Variants in ITIH2 observed in about 807,000 individuals in gnomAD.
The protein encoded by ITIH2 is inter-alpha-trypsin inhibitor heavy chain H2.
ITIH2 carries 103 observed loss-of-function variants against 104.4 expected under a neutral mutation model. That is an observed-to-expected ratio of 0.99 (90% CI 0.84 to 1.16). ITIH2 has a LOEUF of 1.16. Among genes scored for constraint, ITIH2 ranks in the 50% most tolerant of loss-of-function variants. The probability of loss-of-function intolerance (pLI) is 0.00; values close to 1 mark genes in which losing one functional copy is unlikely to be tolerated. For synonymous variants in ITIH2, 436 were observed against 435.4 expected (o/e 1.00, Z -0.02); for missense variants, 1,108 against 1,162.4 (o/e 0.95, Z 0.68).
intron 20 of ITIH2, among the ~76,000 whole-genome samples, chr10:7,747,074 G>T (rs1033831059): frequency 1.5e-4 from 23 of 152,182 alleles, no homozygotes; most frequent in African/African-American, 5.3e-4. Flanking sequence ...TTTACATCAG[G>T]CTAGAGTTTT....
At chr10:7,706,135 T>C (rs1203150605) in intron 2 of ITIH2, among the ~76,000 whole-genome samples, 3 of 152,188 alleles carry the variant, frequency 2.0e-5, no homozygotes, top group Admixed American at 1.3e-4. Flanking sequence ...TGTAGACTAA[T>C]AATATTAAAA....
chr10:7,739,552 C>T (rs566598413), intron 16 of ITIH2, among the ~76,000 whole-genome samples: 1 of 152,162 alleles, frequency 6.6e-6, no homozygotes, highest in African/African-American at 2.4e-5. Context: ...TACCAAATAC[C>T]ATGTTGTAGC....
chr10:7,707,324 C>T lies in ITIH2; in HGVS notation c.192+91C>T, dbSNP rs967757115. The T allele has an allele frequency of 4.3e-6, 4 of 934,794 alleles. No individual in the cohort carries two copies. In the Admixed American group the frequency reaches 5.4e-5, roughly 13 times the overall value. 57.9% of individuals were successfully genotyped at this position (934,794 alleles called of 1,614,324 possible). On this transcript the variant is annotated intron_variant, in intron 3 of 20. Transcript: ENST00000358415. ...CTGGGTGTCTCTTTTTTCTTCATCA[C>T]CGAGTATTTACCTGACTTTCGAAAT...
At chr10:7,748,879 G>T (rs962828450) in intron 20 of ITIH2, among the ~76,000 whole-genome samples, 3 of 151,984 alleles carry the variant, frequency 2.0e-5, no homozygotes, top group Non-Finnish European at 4.4e-5. Flanking sequence ...TGTGAGGTCA[G>T]CCTCAACACT....
At chr10:7,718,283 C>T (rs1009985549) in intron 6 of ITIH2, among the ~76,000 whole-genome samples, 3 of 152,216 alleles carry the variant, frequency 2.0e-5, no homozygotes, top group Non-Finnish European at 4.4e-5. Flanking sequence ...CTCACAAGAA[C>T]ACCTATTAGA....
chr10:7,723,704 A>C (rs1306952330), intron 9 of ITIH2, 137 bp downstream of exon 9: 3 of 643,702 alleles, frequency 4.7e-6, no homozygotes, highest in East Asian at 5.3e-5. Context: ...TGCCGGTGTC[A>C]ACTCTTCCTA....
rs1416213913 is a variant in ITIH2, at chr10:7,720,721, G to A, written c.631-135G>A. 1.4e-5 allele frequency: 8 copies of A among 591,664 alleles called. No individual in the cohort carries two copies. The Admixed American group carries it at 1.5e-4, about 11-fold the overall frequency. The allele number at this position is 591,664 out of a possible 1,614,324, so 36.7% of individuals were successfully genotyped here. A position where few individuals can be genotyped will look rare whatever the true frequency, so the allele number is the denominator to read the frequency against. ...TCGCAGGAACTTGCAGATCCTGCAG[G>A]AGAGATCGTGGAGTCGTGCCCGGGA... On this transcript the variant is annotated intron_variant, in intron 6 of 20. Transcript: ENST00000358415.
At chr10:7,717,862 T>G in intron 6 of ITIH2, 74 bp downstream of exon 6, 1 of 1,419,524 alleles carries the variant, frequency 7.0e-7, no homozygotes, top group Non-Finnish European at 9.8e-7. Flanking sequence ...TACTTTCTGC[T>G]TGTCACTAGC....
At chr10:7,746,067 TTAAAAAA>T (rs1460316720) in intron 19 of ITIH2, among the ~76,000 whole-genome samples, 3,070 of 50,932 alleles carry the variant, frequency 0.06, 56 homozygotes, top group Non-Finnish European at 0.067. Flanking sequence ...AATCTTAAAT[TTAAAAAA>T]AAAAAAAAAA....
chr10:7,721,075 T>C (rs1834898427), intron 7 of ITIH2, 112 bp downstream of exon 7: 4 of 708,118 alleles, frequency 5.6e-6, no homozygotes, highest in Non-Finnish European at 7.5e-6. Context: ...GAGGACACTG[T>C]TGAAGAAATG....
chr10:7,718,877 G>A (rs182059242), intron 6 of ITIH2, among the ~76,000 whole-genome samples: 145 of 152,276 alleles, frequency 9.5e-4, no homozygotes, highest in African/African-American at 3.4e-3. Context: ...TCACCGCAGG[G>A]GAGCAGTGCC....
Position 7,721,673 on chromosome 10 carries a change from G to A in ITIH2, c.763G>A (p.Val255Ile), listed in dbSNP as rs1834904434. 1 of 1,613,946 alleles carries A rather than the reference G, an allele frequency of 6.2e-7. No individual in the cohort carries two copies. Among genetic ancestry groups the A allele is most frequent in the Non-Finnish European group, 8.5e-7 (1 of 1,179,842 alleles). ...GGCGCACGTCTCCTTCAAGCCCACGGTAGCACAGCAGAGAATATGCCCTAA... is the reference window on the plus strand; with the variant it reads ...GGCGCACGTCTCCTTCAAGCCCACGATAGCACAGCAGAGAATATGCCCTAA... ...QKAHVSFKPT[V>I]AQQRICPNCR... is the part of the protein sequence containing the mutation. The change falls in exon 8 of 21, where the codon GTA becomes ATA. Residue 255 changes from valine (V) to isoleucine (I), a missense_variant. Transcript: ENST00000358415.
At chr10:7,748,396 A>T (rs1465328786) in intron 20 of ITIH2, among the ~76,000 whole-genome samples, 1 of 149,766 alleles carries the variant, frequency 6.7e-6, no homozygotes, top group East Asian at 1.9e-4. Context: ...CGCAGTGTGA[A>T]CGAGATCCTT....
chr10:7,749,233 G>A lies in ITIH2; in HGVS notation c.2740G>A (p.Val914Ile), dbSNP rs1011794889. ...AACGGATCTAGTGTTTGGAACGGAC[G>A]TTACCTGCTGGTTTGTGCACAACAG... ...YRTDLVFGTD[V>I]TCWFVHNSGK... Residue 914 changes from valine (V) to isoleucine (I), a missense_variant, in exon 21 of 21, where the codon GTT becomes ATT. Transcript: ENST00000358415. 1.2e-5 allele frequency: 19 copies of A among 1,613,978 alleles called. No homozygotes were observed. The highest frequency in any genetic ancestry group is 6.7e-5 in the East Asian group (3 of 44,886).
chr10:7,734,896 A>G (rs762524332), intron 14 of ITIH2, 26 bp from the exon 15 acceptor site: 7 of 1,595,704 alleles, frequency 4.4e-6, no homozygotes, highest in Middle Eastern at 1.7e-4. Context: ...GCCATGCTCC[A>G]TAACACCTCT....
In ITIH2 at chr10:7,717,674, C is replaced by A. The variant is rs763247802; in HGVS notation, c.516C>A (p.Leu172=). The A allele has an allele frequency of 3.7e-6, 6 of 1,613,794 alleles. No individual in the cohort carries two copies. The highest frequency in any genetic ancestry group is 4.5e-5 in the East Asian group (2 of 44,900). The change falls in exon 6 of 21, where the codon CTC becomes CTA. Residue 172 remains leucine (L), a synonymous_variant. Transcript: ENST00000358415. The part of the protein sequence containing the change: ...MENFRTEVNV[L]PGAKVQFELH... ...ACTTCAGAACGGAAGTAAATGTCCT[C>A]CCAGGAGCAAAGGTGCAGTTCGAAC... is the stretch of plus-strand genomic sequence containing the variant.
chr10:7,731,561 CTAAAAA>C (rs1197221156), intron 12 of ITIH2, among the ~76,000 whole-genome samples: 1 of 151,940 alleles, frequency 6.6e-6, no homozygotes, highest in Non-Finnish European at 1.5e-5. Context: ...CCCGTCTCTA[CTAAAAA>C]TACAAAAATT....
rs753545358 is a variant in ITIH2, at chr10:7,727,018, C to T, written c.1053C>T (p.Phe351=). The change falls in exon 10 of 21, where the codon TTC becomes TTT. Residue 351 remains phenylalanine (F), a synonymous_variant. Transcript: ENST00000358415. ...RAEDHFSVID[F]NQNIRTWRND... ...AAGACCATTTCTCTGTGATTGATTT[C>T]AACCAGAACATTCGAACTTGGAGAA... The T allele has an allele frequency of 6.2e-7, 1 of 1,613,970 alleles. No homozygotes were observed. The highest frequency in any genetic ancestry group is 1.3e-5 in the African/African-American group (1 of 75,054).
At chr10:7,736,034 C>T (rs2072226792) in intron 15 of ITIH2, among the ~76,000 whole-genome samples, 1 of 151,972 alleles carries the variant, frequency 6.6e-6, no homozygotes, top group South Asian at 2.1e-4. Flanking sequence ...CACTATCACT[C>T]ATTTTTAAAA....
Sources: allele counts gnomAD v4.1 joint callset (sites outside exome capture counted in the v4.1 genomes callset), GRCh38; gene constraint gnomAD v4.1.1; transcripts MANE v1.5; gene names NCBI Gene and HGNC (gene_info 2026-07-23, HGNC 2026-07-21).